DIP2C: variants seen among roughly 807,000 people sequenced by gnomAD.
DIP2C encodes DIP2 acetate--CoA ligase C (putative).
In DIP2C, 33 loss-of-function variants were observed where a neutral mutation model predicts 192.4. That is an observed-to-expected ratio of 0.17 (90% CI 0.13 to 0.23). DIP2C has a LOEUF of 0.23. DIP2C is among the 10% of genes least tolerant of loss of function. The pLI, the probability that DIP2C is intolerant of heterozygous loss-of-function variation, is 1.00. For missense variants in DIP2C, 1,537 were observed against 2,110.1 expected (o/e 0.73, Z 5.32); for synonymous variants, 979 against 864.1 (o/e 1.13, Z -2.33).
chr10:564,432 T>A (rs1182824019), intron 1 of DIP2C, among the ~76,000 whole-genome samples: 2 of 152,128 alleles, frequency 1.3e-5, no homozygotes, highest in African/African-American at 4.8e-5. Flanking sequence ...GTCCAAAGCC[T>A]TAAGAACCAT....
chr10:546,140 G>A (rs1424930884), intron 1 of DIP2C, among the ~76,000 whole-genome samples: 1 of 151,928 alleles, frequency 6.6e-6, no homozygotes, highest in Non-Finnish European at 1.5e-5. Flanking sequence ...AAATTATCCG[G>A]GCTTGGTGGT....
At position 375,086 on chromosome 10, in the gene DIP2C, T is replaced by C. The variant is rs763796705; in HGVS notation, c.1992-5453A>G. On this transcript the variant is annotated intron_variant, in intron 17 of 36. Coordinates refer to ENST00000280886, the MANE Select transcript of DIP2C (RefSeq NM_014974.3). ...CTGTGTATACAATACCACGATGACG[T>C]GCAAAAGGGAAACAAAATAAAACTA... 6.5e-4 allele frequency among the ~76,000 whole-genome samples: 99 copies of C among 152,352 alleles called. No individual in the cohort carries two copies. The Middle Eastern group carries it at 0.01, about 16-fold the overall frequency.
At chr10:488,776 A>C (rs951117809) in intron 1 of DIP2C, among the ~76,000 whole-genome samples, 1 of 152,216 alleles carries the variant, frequency 6.6e-6, no homozygotes, top group South Asian at 2.1e-4. Flanking sequence ...ATGACTGTTC[A>C]TGGTTTATTT....
At chr10:525,655 G>A (rs563097903) in intron 1 of DIP2C, among the ~76,000 whole-genome samples, 2 of 152,188 alleles carry the variant, frequency 1.3e-5, no homozygotes, top group Non-Finnish European at 2.9e-5. Flanking sequence ...GACAGGGAGA[G>A]AACAGGGTAG....
intron 1 of DIP2C, chr10:662,033 G>A (rs1345067812): frequency 4.2e-6 from 3 of 716,018 alleles, no homozygotes; most frequent in Non-Finnish European, 7.8e-6. Flanking sequence ...CAGGAGCCTG[G>A]CCTGTCCCCC....
chr10:497,745 T>C (rs1420132603), intron 1 of DIP2C, among the ~76,000 whole-genome samples: 2 of 152,124 alleles, frequency 1.3e-5, no homozygotes, highest in Admixed American at 6.5e-5. Context: ...GCCATACAGA[T>C]GGGATGCAGA....
At chr10:539,108 C>T (rs982287225) in intron 1 of DIP2C, among the ~76,000 whole-genome samples, 4 of 152,146 alleles carry the variant, frequency 2.6e-5, no homozygotes, top group Admixed American at 2.0e-4. Flanking sequence ...ACCTCAGTTG[C>T]GAGTTGTCTG....
intron 1 of DIP2C, among the ~76,000 whole-genome samples, chr10:505,993 A>T (rs1002581916): frequency 6.6e-6 from 1 of 152,198 alleles, no homozygotes; most frequent in African/African-American, 2.4e-5. Context: ...AATCCAGGGG[A>T]TTAGGAACGC....
intron 1 of DIP2C, among the ~76,000 whole-genome samples, chr10:563,377 C>T (rs1196266064): frequency 6.6e-6 from 1 of 152,052 alleles, no homozygotes. Context: ...AAAAAACCTC[C>T]TAACAGCAGT....
At chr10:650,184 G>C (rs1414318004) in intron 1 of DIP2C, 4 of 717,292 alleles carry the variant, frequency 5.6e-6, no homozygotes, top group Non-Finnish European at 1.0e-5. Flanking sequence ...TGGAGGTCCT[G>C]CGGGGTGGGT....
At chr10:553,995 A>G (rs1848716758) in intron 1 of DIP2C, among the ~76,000 whole-genome samples, 1 of 152,152 alleles carries the variant, frequency 6.6e-6, no homozygotes, top group Non-Finnish European at 1.5e-5. Context: ...AGTGGCGAAC[A>G]GGCAAGAAAT....
intron 1 of DIP2C, among the ~76,000 whole-genome samples, chr10:545,665 C>T (rs931045508): frequency 1.1e-4 from 16 of 152,164 alleles, no homozygotes; most frequent in African/African-American, 2.4e-4. Context: ...TCACAGTCTG[C>T]GGTGTCTGTT....
chr10:671,809 G>A (rs1245706756), intron 1 of DIP2C, among the ~76,000 whole-genome samples: 12 of 103,854 alleles, frequency 1.2e-4, no homozygotes, highest in Admixed American at 4.5e-4. Flanking sequence ...GGCCACAGAC[G>A]CACGGACGGA....
At chr10:415,747 G>A (rs748955503) in intron 7 of DIP2C, 22 bp downstream of exon 7, 15 of 1,612,778 alleles carry the variant, frequency 9.3e-6, no homozygotes, top group South Asian at 3.3e-5. Context: ...TGGAAGAAAC[G>A]TGTGGTAAAG....
At chr10:482,154 CAG>C (rs1392209369) in intron 2 of DIP2C, among the ~76,000 whole-genome samples, 1 of 152,206 alleles carries the variant, frequency 6.6e-6, no homozygotes, top group Non-Finnish European at 1.5e-5. Context: ...ACGGCCTGAG[CAG>C]AGTTCCTCAT....
chr10:320,359 T>C (rs974067794), intron 31 of DIP2C, among the ~76,000 whole-genome samples: 3 of 151,484 alleles, frequency 2.0e-5, no homozygotes, highest in African/African-American at 7.3e-5. Flanking sequence ...TATACAAAAA[T>C]TAGCTCGGCG....
At chr10:346,748 A>G (rs71492980) in intron 26 of DIP2C, among the ~76,000 whole-genome samples, 13,526 of 16,400 alleles carry the variant, frequency 0.82, 5,476 homozygotes, top group Middle Eastern at 1. Flanking sequence ...CAGACACATC[A>G]CGCATAGTTC....
intron 1 of DIP2C, among the ~76,000 whole-genome samples, chr10:583,946 G>A (rs948425298): frequency 2.0e-5 from 3 of 152,142 alleles, no homozygotes; most frequent in African/African-American, 7.2e-5. Context: ...GCAGCTTTGA[G>A]CAGCCACAAA....
At position 442,424 on chromosome 10, in the gene DIP2C, AAT is replaced by A. The variant is rs528571055; in HGVS notation, c.269-1430_269-1429del. Among the ~76,000 whole-genome samples the A allele has an allele frequency of 2.9e-4, 44 of 152,276 alleles. No homozygotes were observed. In the South Asian group the frequency reaches 7.3e-3, roughly 25 times the overall value. On this transcript the variant is annotated intron_variant, in intron 3 of 36. Transcript: ENST00000280886. ...CTTTCTAATTCCCAGGTCAAAAATC[AAT>A]ATGTGACTGACTTGGGCTCATGGCC...
Sources: allele counts gnomAD v4.1 joint callset (sites outside exome capture counted in the v4.1 genomes callset), GRCh38; gene constraint gnomAD v4.1.1; transcripts MANE v1.5; gene names NCBI Gene and HGNC (gene_info 2026-07-23, HGNC 2026-07-21).